PCDHGB7: variants seen among roughly 807,000 people sequenced by gnomAD.
PCDHGB7 encodes protocadherin gamma-B7.
A neutral mutation model predicts 61.4 loss-of-function variants in PCDHGB7; 37 were observed. The ratio of observed to expected loss-of-function variants is 0.60; its 90% CI spans 0.46 to 0.79. The LOEUF (loss-of-function observed/expected upper bound fraction) is 0.79, where lower values mean the gene tolerates loss of function less well. Among genes scored for constraint, PCDHGB7 ranks in the 30% least tolerant of loss-of-function variants. The pLI, the probability that PCDHGB7 is intolerant of heterozygous loss-of-function variation, is 0.00. For synonymous variants in PCDHGB7, 464 were observed against 503.5 expected (o/e 0.92, Z 1.05); for missense variants, 1,166 against 1,202.5 (o/e 0.97, Z 0.45).
intron 1 of PCDHGB7, chr5:141,428,217 C>A: frequency 8.3e-7 from 1 of 1,211,998 alleles, no homozygotes; most frequent in Non-Finnish European, 1.2e-6. Context: ...TTCACCTAGT[C>A]TTCGCAGACA....
chr5:141,476,206 C>A lies in PCDHGB7; in HGVS notation c.2416-18601C>A. On this transcript the variant is annotated intron_variant, in intron 1 of 3. Transcript: ENST00000398594. This position sits in a 1 kb window ranked among gnomAD's most constrained non-coding sequence, Gnocchi z 7.6. ...TGCTTGGTGCCTTGAACAAGGCTTC[C>A]ACGGTCATTCACTATGAGATCCCGG... 1 of 1,613,930 alleles carries A rather than the reference C, an allele frequency of 6.2e-7. No individual in the cohort carries two copies. The highest frequency in any genetic ancestry group is 1.7e-5 in the Admixed American group (1 of 60,004).
At chr5:141,434,453 T>C (rs1172243323) in intron 1 of PCDHGB7, among the ~76,000 whole-genome samples, 1 of 152,226 alleles carries the variant, frequency 6.6e-6, no homozygotes, top group Non-Finnish European at 1.5e-5. Context: ...TGGAAGGTAG[T>C]GGGTTTACCG....
chr5:141,430,380 T>TG (rs1376875091), intron 1 of PCDHGB7, among the ~76,000 whole-genome samples: 2 of 147,890 alleles, frequency 1.4e-5, no homozygotes, highest in African/African-American at 5.0e-5. Context: ...AAAAGCTCAT[T>TG]GGGAAAAAAA....
rs1268841728 is a variant in PCDHGB7, at chr5:141,419,785, G to A, written c.1926G>A (p.Leu642=). Residue 642 remains leucine (L), a synonymous_variant, in exon 1 of 4, where the codon CTG becomes CTA. Coordinates refer to ENST00000398594, the MANE Select transcript of PCDHGB7 (RefSeq NM_018927.4). ...ACAAGGACTCGGTCCGCCAGCGCCT[G>A]CTAGTCGCTGTAAGAGATGGAGGAC... ...LGDKDSVRQR[L]LVAVRDGGQP... is the part of the protein sequence containing the mutation. 1.2e-6 allele frequency: 2 copies of A among 1,613,934 alleles called. No individual in the cohort carries two copies. Among genetic ancestry groups the A allele is most frequent in the Non-Finnish European group, 1.7e-6 (2 of 1,179,890 alleles).
Position 141,432,878 on chromosome 5 carries a change from TTCGTCA to T in PCDHGB7, c.2415+12607_2415+12612del. 6.2e-7 allele frequency: 1 copy of T among 1,614,178 alleles called. No individual in the cohort carries two copies. The highest frequency in any genetic ancestry group is 1.7e-5 in the Admixed American group (1 of 60,036). Reference sequence around the variant, plus strand: ...CGCGGTCTCCTGCGTCTTCCTGGCCTTCGTCATCTTGCTGCTGGCGCTCAGGCTGCG... The same window carrying T: ...CGCGGTCTCCTGCGTCTTCCTGGCCTTCTTGCTGCTGGCGCTCAGGCTGCG... On this transcript the variant is annotated intron_variant, in intron 1 of 3. Transcript: ENST00000398594. This position sits in a 1 kb window ranked among gnomAD's most constrained non-coding sequence, Gnocchi z 6.0.
Position 141,419,014 on chromosome 5 carries a change from C to A in PCDHGB7, c.1155C>A (p.Ser385Arg), listed in dbSNP as rs1332175722. Residue 385 changes from serine to arginine, a missense_variant, in exon 1 of 4, where the codon AGC (serine) becomes AGA (arginine). Ser to Arg is a moderately radical substitution (Grantham distance 110). Coordinates refer to ENST00000398594, the MANE Select transcript of PCDHGB7 (RefSeq NM_018927.4). ...DSGENGEVRC[S>R]LSRGVPFKIH... ...GGGAAAATGGGGAAGTCAGGTGTAG[C>A]TTAAGTAGAGGTGTTCCATTTAAGA... 1 of 1,613,780 alleles carries A rather than the reference C, an allele frequency of 6.2e-7. No homozygotes were observed. Among genetic ancestry groups the A allele is most frequent in the Non-Finnish European group, 8.5e-7 (1 of 1,179,846 alleles).
chr5:141,502,577 A>G (rs1260539435), intron 2 of PCDHGB7, among the ~76,000 whole-genome samples: 2 of 152,192 alleles, frequency 1.3e-5, no homozygotes, highest in African/African-American at 4.8e-5. Context: ...TTATAAAAAT[A>G]TATTTTTATA....
intron 1 of PCDHGB7, chr5:141,441,480 T>A (rs1679700290): frequency 5.9e-6 from 1 of 170,298 alleles, no homozygotes. Flanking sequence ...CCAACGACAA[T>A]GCTCTGGTTT....
chr5:141,426,238 T>C, intron 1 of PCDHGB7: 1 of 158,644 alleles, frequency 6.3e-6, no homozygotes, highest in Admixed American at 5.9e-5. Context: ...AAGCACTTTG[T>C]GAAACATTTT....
intron 1 of PCDHGB7, among the ~76,000 whole-genome samples, chr5:141,435,651 C>T (rs762264332): frequency 1.4e-4 from 22 of 152,044 alleles, no homozygotes; most frequent in Non-Finnish European, 2.9e-4. Flanking sequence ...ATTTCTGAAA[C>T]GTGCACAGAT....
chr5:141,451,523 A>G (rs1035983001), intron 1 of PCDHGB7, among the ~76,000 whole-genome samples: 1 of 152,200 alleles, frequency 6.6e-6, no homozygotes, highest in African/African-American at 2.4e-5. Flanking sequence ...AGAGCAAGTA[A>G]AGGAGAGTGC....
chr5:141,490,417 C>A lies in PCDHGB7; in HGVS notation c.2416-4390C>A, dbSNP rs767996336. ...AGTGAGCCTTGATATCTCTCCGGAC[C>A]TGCCATTTCAGATTAAGCCTTCTGA... On this transcript the variant is annotated intron_variant, in intron 1 of 3. Transcript: ENST00000398594. The surrounding 1 kb of genome is among the most constrained non-coding windows in gnomAD (Gnocchi z 5.4). 4.3e-6 allele frequency: 7 copies of A among 1,614,196 alleles called. No homozygotes were observed. In the South Asian group the frequency reaches 7.7e-5, roughly 18 times the overall value.
In PCDHGB7 at chr5:141,487,000, G is replaced by T. The variant is rs1410493699; in HGVS notation, c.2416-7807G>T. 2 of 1,614,076 alleles carry T rather than the reference G, an allele frequency of 1.2e-6. No homozygotes were observed. Among genetic ancestry groups the T allele is most frequent in the Non-Finnish European group, 1.7e-6 (2 of 1,180,044 alleles). On this transcript the variant is annotated intron_variant, in intron 1 of 3. Coordinates refer to ENST00000398594, the MANE Select transcript of PCDHGB7 (RefSeq NM_018927.4). The surrounding 1 kb of genome is among the most constrained non-coding windows in gnomAD (Gnocchi z 5.0). Reference sequence around the variant, plus strand: ...GTTACAATGCTTGGGTTTCCTATCAGCTCCTGGAGGCCCCAGATCCCAGCC... The same window carrying T: ...GTTACAATGCTTGGGTTTCCTATCATCTCCTGGAGGCCCCAGATCCCAGCC...
intron 1 of PCDHGB7, 88 bp from the exon 2 acceptor site, chr5:141,494,719 C>T: frequency 6.2e-7 from 1 of 1,605,960 alleles, no homozygotes; most frequent in Non-Finnish European, 8.5e-7. Flanking sequence ...CCACTCCCCT[C>T]CTTCTCTCCC....
chr5:141,481,142 G>T (rs2099532501), intron 1 of PCDHGB7, among the ~76,000 whole-genome samples: 1 of 152,212 alleles, frequency 6.6e-6, no homozygotes, highest in Non-Finnish European at 1.5e-5. Context: ...GAAGTAAAGT[G>T]TTATTCTGGT....
At chr5:141,423,006 T>G (rs746057587) in intron 1 of PCDHGB7, 12 of 1,614,078 alleles carry the variant, frequency 7.4e-6, no homozygotes, top group African/African-American at 1.3e-5. Context: ...CCAAGGTGGT[T>G]GCGGTGGACA....
chr5:141,495,424 A>C (rs927637242), intron 2 of PCDHGB7, among the ~76,000 whole-genome samples: 1 of 152,088 alleles, frequency 6.6e-6, no homozygotes, highest in African/African-American at 2.4e-5. Context: ...CCCTCCTCCC[A>C]CTGTCCTCTG....
Position 141,510,957 on chromosome 5 carries a change from T to C in PCDHGB7, c.2574T>C (p.Asp858=), listed in dbSNP as rs372617587. ...MILASASEAA[D]GSSTLGGGAG... ...CCTCTGTCTCTGCAGAAGCTGCTGA[T>C]GGGAGCTCCACCCTGGGAGGGGGTG... Residue 858 remains aspartate, a synonymous_variant, in exon 4 of 4, where the codon GAT becomes GAC. Transcript: ENST00000398594. 2.5e-6 allele frequency: 4 copies of C among 1,614,134 alleles called. No individual in the cohort carries two copies. The highest frequency in any genetic ancestry group is 3.4e-6 in the Non-Finnish European group (4 of 1,180,004).
intron 1 of PCDHGB7, chr5:141,471,417 T>A (rs1174855045): frequency 6.6e-6 from 1 of 152,190 alleles, no homozygotes; most frequent in Non-Finnish European, 1.5e-5. Flanking sequence ...GTTATGTTTT[T>A]AGCAAGGAAA....
Sources: gnomAD v4.1 joint callset for allele counts (sites outside exome capture counted in the v4.1 genomes callset) on GRCh38, gnomAD v4.1.1 for gene constraint, Gnocchi (gnomAD v3.1) non-coding constraint, MANE v1.5 for transcripts, NCBI Gene and HGNC (gene_info 2026-07-23, HGNC 2026-07-21) for gene names.